Variants in POU2AF2 observed in about 807,000 individuals in gnomAD.
The protein encoded by POU2AF2 is POU class 2 homeobox associating factor 2, also known as POU domain class 2-associating factor 2.
chr11:111,284,168 T>G, the POU2AF2 span: 1 of 1,614,224 alleles, frequency 6.2e-7, no homozygotes, highest in Non-Finnish European at 8.5e-7. Flanking sequence ...AAATGACGTC[T>G]ACACCTCCAG....
At chr11:111,284,106 T>C in the POU2AF2 span, 42 of 1,614,204 alleles carry the variant, frequency 2.6e-5, no homozygotes, top group Admixed American at 5.8e-4. Context: ...TACTACGGTG[T>C]CAGAAGATCT....
the POU2AF2 span, chr11:111,283,949 T>C: frequency 1.2e-6 from 1 of 811,780 alleles, no homozygotes; most frequent in Non-Finnish European, 2.0e-6. Flanking sequence ...TTTCTCTATT[T>C]CCATGTTAGC....
chr11:111,265,753 T>G, the POU2AF2 span, among the ~76,000 whole-genome samples: 1 of 152,190 alleles, frequency 6.6e-6, no homozygotes, highest in African/African-American at 2.4e-5. Context: ...ATAGCAGCCT[T>G]GAAAGTTAGA....
At chr11:111,245,879 T>G in the POU2AF2 span, 2 of 398,886 alleles carry the variant, frequency 5.0e-6, no homozygotes, top group Non-Finnish European at 8.9e-6. Context: ...TCAACATCAA[T>G]TATTATAATT....
the POU2AF2 span, among the ~76,000 whole-genome samples, chr11:111,276,452 AAATAT>A: frequency 1.4e-4 from 5 of 35,622 alleles, no homozygotes; most frequent in African/African-American, 3.3e-4. Flanking sequence ...AAAAAAAAAA[AAATAT>A]ATATATATAT....
the POU2AF2 span, chr11:111,285,892 CT>C: frequency 6.2e-7 from 1 of 1,613,506 alleles, no homozygotes; most frequent in East Asian, 2.2e-5. Context: ...CTCCTTACCC[CT>C]TCACCCCTTT....
At chr11:111,251,703 A>G in the POU2AF2 span, among the ~76,000 whole-genome samples, 1 of 152,176 alleles carries the variant, frequency 6.6e-6, no homozygotes, top group African/African-American at 2.4e-5. Flanking sequence ...ACTTTCATCA[A>G]CAATCCAAAG....
chr11:111,281,512 C>CATAACG, the POU2AF2 span: 2 of 1,516,724 alleles, frequency 1.3e-6, no homozygotes, highest in Middle Eastern at 3.4e-4. Context: ...TCCATTCTTT[C>CATAACG]ATAACGACCT....
At chr11:111,281,458 A>G in the POU2AF2 span, 16 of 1,612,130 alleles carry the variant, frequency 9.9e-6, no homozygotes, top group Non-Finnish European at 1.4e-5. Flanking sequence ...CTTTAATTCA[A>G]TAAGCAATTA....
the POU2AF2 span, chr11:111,286,041 G>T: frequency 8.8e-5 from 142 of 1,611,294 alleles, no homozygotes; most frequent in Non-Finnish European, 1.1e-4. Flanking sequence ...TATGAATGCC[G>T]CAGAGCTTAT....
the POU2AF2 span, among the ~76,000 whole-genome samples, chr11:111,257,316 T>C: frequency 6.6e-6 from 1 of 152,126 alleles, no homozygotes; most frequent in Admixed American, 6.5e-5. Context: ...GAACGTTCAA[T>C]TTCCTCCCAC....
the POU2AF2 span, among the ~76,000 whole-genome samples, chr11:111,275,999 T>C: frequency 6.6e-6 from 1 of 150,844 alleles, no homozygotes; most frequent in Admixed American, 6.6e-5. Context: ...AATAGAGAGG[T>C]TAAGGGATTT....
chr11:111,274,903 G>A, the POU2AF2 span, among the ~76,000 whole-genome samples: 4 of 152,004 alleles, frequency 2.6e-5, no homozygotes, highest in African/African-American at 9.7e-5. Flanking sequence ...TCCTAGAAGG[G>A]AAATCAGGTT....
the POU2AF2 span, among the ~76,000 whole-genome samples, chr11:111,278,029 G>C: frequency 6.6e-6 from 1 of 152,008 alleles, no homozygotes; most frequent in African/African-American, 2.4e-5. Flanking sequence ...TTACATGCCC[G>C]AGAGTTCCCT....
the POU2AF2 span, among the ~76,000 whole-genome samples, chr11:111,273,655 G>A: frequency 4.5e-4 from 68 of 152,246 alleles, no homozygotes; most frequent in African/African-American, 1.6e-3. Context: ...CACTTCCTTA[G>A]TACATTTCAA....
chr11:111,264,577 G>GAAAGAAAGA, the POU2AF2 span, among the ~76,000 whole-genome samples: 6 of 22,930 alleles, frequency 2.6e-4, no homozygotes, highest in African/African-American at 7.3e-4. Flanking sequence ...AGAAAGAAAG[G>GAAAGAAAGA]GAGAGAGAAA....
chr11:111,254,533 C>A, the POU2AF2 span, among the ~76,000 whole-genome samples: 1 of 152,112 alleles, frequency 6.6e-6, no homozygotes, highest in Non-Finnish European at 1.5e-5. Context: ...GGTGATTATA[C>A]CCATTTTACA....
At chr11:111,284,273 C>T in the POU2AF2 span, 1 of 1,613,950 alleles carries the variant, frequency 6.2e-7, no homozygotes, top group Non-Finnish European at 8.5e-7. Flanking sequence ...CGGAGACTAC[C>T]GGCCTCCGGC....
At chr11:111,272,099 C>T in the POU2AF2 span, among the ~76,000 whole-genome samples, 1 of 152,218 alleles carries the variant, frequency 6.6e-6, no homozygotes, top group Admixed American at 6.5e-5. Context: ...TTCCTGCCCA[C>T]ATTTCCAGGT....
Sources: allele counts gnomAD v4.1 joint callset (sites outside exome capture counted in the v4.1 genomes callset), GRCh38; gene constraint gnomAD v4.1.1; transcripts MANE v1.5; gene names NCBI Gene and HGNC (gene_info 2026-07-23, HGNC 2026-07-21).